MARCHF3: variants seen among roughly 807,000 people sequenced by gnomAD.
MARCHF3 encodes membrane associated ring-CH-type finger 3, also known as E3 ubiquitin-protein ligase MARCHF3.
Under a neutral mutation model 24.2 loss-of-function variants are expected in MARCHF3, and 13 were observed. The observed-to-expected ratio is 0.54, with a 90% CI of 0.35 to 0.85. The LOEUF is 0.85. Among genes scored for constraint, MARCHF3 ranks in the 40% least tolerant of loss-of-function variants. The pLI is 0.01. For missense variants in MARCHF3, 276 were observed against 325.0 expected (o/e 0.85, Z 1.16); for synonymous variants, 144 against 137.3 (o/e 1.05, Z -0.34).
At chr5:126,978,611 C>T (rs993369419) in intron 1 of MARCHF3, among the ~76,000 whole-genome samples, 4 of 152,180 alleles carry the variant, frequency 2.6e-5, no homozygotes, top group African/African-American at 9.7e-5. Context: ...ACAGGCATAT[C>T]AGCATTATCT....
At chr5:126,926,115 T>C (rs1749288128) in intron 1 of MARCHF3, among the ~76,000 whole-genome samples, 1 of 152,256 alleles carries the variant, frequency 6.6e-6, no homozygotes, top group African/African-American at 2.4e-5. Flanking sequence ...AAGTTGTACC[T>C]CACTTTCCTC....
intron 1 of MARCHF3, among the ~76,000 whole-genome samples, chr5:126,931,455 G>T (rs936183643): frequency 1.3e-5 from 2 of 152,044 alleles, no homozygotes; most frequent in Non-Finnish European, 2.9e-5. Context: ...CTAGTAAATG[G>T]TTCTGTGCTA....
At chr5:126,997,966 C>G (rs1363412901) in intron 1 of MARCHF3, among the ~76,000 whole-genome samples, 1 of 152,034 alleles carries the variant, frequency 6.6e-6, no homozygotes, top group Middle Eastern at 3.2e-3. Flanking sequence ...TTACAGAAGT[C>G]CATTGGAGGC....
chr5:127,005,522 CA>C (rs908660292), intron 1 of MARCHF3, among the ~76,000 whole-genome samples: 34 of 152,196 alleles, frequency 2.2e-4, no homozygotes, highest in African/African-American at 8.2e-4. Context: ...CATCCTCATC[CA>C]GGGGGTTTTA....
At chr5:126,990,980 G>A (rs576832218) in intron 1 of MARCHF3, among the ~76,000 whole-genome samples, 1 of 152,062 alleles carries the variant, frequency 6.6e-6, no homozygotes, top group South Asian at 2.1e-4. Flanking sequence ...CACTGTGGAA[G>A]ACAGTGTGGC....
intron 1 of MARCHF3, among the ~76,000 whole-genome samples, chr5:126,939,099 C>T (rs1360158719): frequency 1.3e-5 from 2 of 152,112 alleles, no homozygotes; most frequent in South Asian, 2.1e-4. Context: ...ATAATAACAG[C>T]ACATGTACAG....
At chr5:126,977,202 T>C (rs1751231646) in intron 1 of MARCHF3, among the ~76,000 whole-genome samples, 1 of 152,230 alleles carries the variant, frequency 6.6e-6, no homozygotes, top group African/African-American at 2.4e-5. Context: ...ACTGTTGCCC[T>C]GTACAAAGTC....
At chr5:126,920,499 T>C (rs1327240796) in intron 1 of MARCHF3, among the ~76,000 whole-genome samples, 1 of 152,208 alleles carries the variant, frequency 6.6e-6, no homozygotes, top group African/African-American at 2.4e-5. Flanking sequence ...ACAGTGACCT[T>C]CTTGCCGCAT....
At chr5:126,982,011 T>G (rs532625420) in intron 1 of MARCHF3, among the ~76,000 whole-genome samples, 1 of 152,362 alleles carries the variant, frequency 6.6e-6, no homozygotes, top group Non-Finnish European at 1.5e-5. Flanking sequence ...TTAAGTTAAC[T>G]TGATAGATTG....
At chr5:127,006,560 TA>T (rs1752318974) in intron 1 of MARCHF3, among the ~76,000 whole-genome samples, 1 of 152,344 alleles carries the variant, frequency 6.6e-6, no homozygotes, top group South Asian at 2.1e-4. Flanking sequence ...TTTAGTATTT[TA>T]AAAAATGACT....
intron 1 of MARCHF3, among the ~76,000 whole-genome samples, chr5:127,016,270 A>C (rs939190404): frequency 4.6e-5 from 7 of 152,190 alleles, no homozygotes; most frequent in Admixed American, 3.9e-4. Context: ...TTCAAATGAA[A>C]AATTATGTGT....
chr5:127,014,483 A>G (rs1037521416), intron 1 of MARCHF3, among the ~76,000 whole-genome samples: 1 of 152,218 alleles, frequency 6.6e-6, no homozygotes, highest in Non-Finnish European at 1.5e-5. Flanking sequence ...GCAAGTTAAT[A>G]TACTGAAGAG....
chr5:126,988,753 T>A (rs530495967), intron 1 of MARCHF3, among the ~76,000 whole-genome samples: 1 of 152,310 alleles, frequency 6.6e-6, no homozygotes, highest in East Asian at 1.9e-4. Flanking sequence ...TTATTACTAC[T>A]ATTACATCAG....
At chr5:126,951,534 A>G (rs1265865862) in intron 1 of MARCHF3, among the ~76,000 whole-genome samples, 3 of 152,226 alleles carry the variant, frequency 2.0e-5, no homozygotes, top group African/African-American at 7.2e-5. Flanking sequence ...ATCTGCAGTC[A>G]TCTTCATCTC....
chr5:126,929,193 T>C (rs974902880), intron 1 of MARCHF3, among the ~76,000 whole-genome samples: 2 of 152,242 alleles, frequency 1.3e-5, no homozygotes, highest in African/African-American at 2.4e-5. Context: ...CTCCATTTTT[T>C]AAATTTGTCT....
intron 3 of MARCHF3, among the ~76,000 whole-genome samples, chr5:126,896,470 C>G (rs1453826585): frequency 6.6e-6 from 1 of 152,134 alleles, no homozygotes; most frequent in Non-Finnish European, 1.5e-5. Context: ...AAGCTCTGCT[C>G]CAACTGGGAA....
intron 1 of MARCHF3, among the ~76,000 whole-genome samples, chr5:126,949,960 T>G (rs1015132386): frequency 2.6e-5 from 4 of 152,210 alleles, no homozygotes; most frequent in Non-Finnish European, 1.5e-5. Flanking sequence ...AATGGTATAC[T>G]ACATCATGTG....
At chr5:127,005,732 T>C (rs563894484) in intron 1 of MARCHF3, among the ~76,000 whole-genome samples, 8 of 152,242 alleles carry the variant, frequency 5.3e-5, no homozygotes, top group African/African-American at 1.4e-4. Context: ...TTCAAAATTA[T>C]TAGATCATGA....
At chr5:127,009,377 G>GT (rs1231599968) in intron 1 of MARCHF3, among the ~76,000 whole-genome samples, 1 of 152,146 alleles carries the variant, frequency 6.6e-6, no homozygotes, top group Non-Finnish European at 1.5e-5. Flanking sequence ...TTGTTTTTCT[G>GT]TATGTTAGAG....
Sources: allele counts gnomAD v4.1 joint callset (sites outside exome capture counted in the v4.1 genomes callset), GRCh38; gene constraint gnomAD v4.1.1; transcripts MANE v1.5; gene names NCBI Gene and HGNC (gene_info 2026-07-23, HGNC 2026-07-21).